Variants in TRMT10B observed in about 807,000 individuals in gnomAD.
TRMT10B encodes the protein tRNA methyltransferase 10B, also known as tRNA methyltransferase 10 homolog B.
A neutral mutation model predicts 43.8 loss-of-function variants in TRMT10B; 33 were observed. That is an observed-to-expected ratio of 0.75 (90% CI 0.57 to 1.01). TRMT10B has a LOEUF of 1.01. Ranked by LOEUF, TRMT10B falls within the 50% of genes least tolerant of loss-of-function variation. The pLI is 0.00. For synonymous variants in TRMT10B, 137 were observed against 130.6 expected (o/e 1.05, Z -0.34); for missense variants, 362 against 369.8 (o/e 0.98, Z 0.17).
intron 2 of TRMT10B, 45 bp from the exon 3 acceptor site, chr9:37,762,532 T>G: frequency 6.5e-7 from 1 of 1,532,044 alleles, no homozygotes; most frequent in Non-Finnish European, 8.8e-7. Flanking sequence ...CCTTTTTTGG[T>G]GCTTATGAAG....
intron 7 of TRMT10B, among the ~76,000 whole-genome samples, chr9:37,773,985 AATAATTAAAAGTTT>A (rs1317467946): frequency 6.6e-6 from 1 of 151,300 alleles, no homozygotes; most frequent in Non-Finnish European, 1.5e-5. Context: ...CAACAATAAT[AATAATTAAAAGTTT>A]ATTAGTCTTA....
At chr9:37,755,289 T>TTTTTTA (rs1554674553) in intron 1 of TRMT10B, among the ~76,000 whole-genome samples, 3 of 149,134 alleles carry the variant, frequency 2.0e-5, no homozygotes, top group East Asian at 1.9e-4. Flanking sequence ...TTTTTTTTTT[T>TTTTTTA]AAAGTTAGTT....
intron 1 of TRMT10B, among the ~76,000 whole-genome samples, chr9:37,759,509 A>T (rs1244389742): frequency 6.6e-6 from 1 of 152,172 alleles, no homozygotes; most frequent in Non-Finnish European, 1.5e-5. Flanking sequence ...GAAAGTGGAG[A>T]AGAAAGTTAA....
At chr9:37,754,019 C>T (rs560141607) in intron 1 of TRMT10B, among the ~76,000 whole-genome samples, 167 bp downstream of exon 1, 45 of 152,234 alleles carry the variant, frequency 3.0e-4, no homozygotes, top group Non-Finnish European at 6.2e-4. Context: ...TCCACTCGCA[C>T]GCTCAGCCTG....
intron 1 of TRMT10B, among the ~76,000 whole-genome samples, chr9:37,759,359 A>G (rs1826069216): frequency 6.6e-6 from 1 of 152,238 alleles, no homozygotes; most frequent in Non-Finnish European, 1.5e-5. Context: ...TGAGGGGAAA[A>G]AAGTCAAGTG....
chr9:37,753,069 C>T (rs184408099), upstream of TRMT10B, among the ~76,000 whole-genome samples: 25 of 152,218 alleles, frequency 1.6e-4, no homozygotes, highest in East Asian at 1.9e-4. Flanking sequence ...ACGAACCCAC[C>T]GAGAGCGAAG....
At position 37,762,020 on chromosome 9, in the gene TRMT10B, A is replaced by G; in HGVS notation, c.89A>G (p.Asp30Gly). 1.2e-6 allele frequency: 2 copies of G among 1,614,124 alleles called. No homozygotes were observed. Among genetic ancestry groups the G allele is most frequent in the African/African-American group, 1.3e-5 (1 of 75,036 alleles). ...QEGILEETGE[D>G]GLPEGFQLLQ... Reference sequence around the variant, plus strand: ...GGCATCCTAGAGGAGACAGGTGAAGATGGACTTCCTGAAGGCTTCCAGCTT... The same window carrying G: ...GGCATCCTAGAGGAGACAGGTGAAGGTGGACTTCCTGAAGGCTTCCAGCTT... Residue 30 changes from aspartate to glycine, a missense_variant, in exon 2 of 9, where the codon GAT (aspartate) becomes GGT (glycine). By Grantham distance (94) the Asp-to-Gly change is moderately conservative. Coordinates refer to ENST00000297994, the MANE Select transcript of TRMT10B (RefSeq NM_144964.4).
intron 2 of TRMT10B, 83 bp from the exon 3 acceptor site, chr9:37,762,494 A>G (rs1279110754): frequency 6.7e-7 from 1 of 1,497,956 alleles, no homozygotes. Flanking sequence ...TAAATAAGAA[A>G]AAAGCAAATG....
At position 37,762,792 on chromosome 9, in the gene TRMT10B, T is replaced by C; in HGVS notation, c.295+107T>C. 8.2e-6 allele frequency: 11 copies of C among 1,333,378 alleles called. No homozygotes were observed. The South Asian group carries it at 1.7e-4, about 21-fold the overall frequency. 82.6% of individuals were successfully genotyped at this position (1,333,378 alleles called of 1,614,324 possible). ...TTGTATAAGTAAAAAGCATCTGGGATGTGGGACCCACTGCCCTATTTTCTT... is the reference window on the plus strand; with the variant it reads ...TTGTATAAGTAAAAAGCATCTGGGACGTGGGACCCACTGCCCTATTTTCTT... On this transcript the variant is annotated intron_variant, in intron 3 of 8. Coordinates refer to ENST00000297994, the MANE Select transcript of TRMT10B (RefSeq NM_144964.4).
intron 7 of TRMT10B, 164 bp downstream of exon 7, chr9:37,770,903 TCTC>T (rs1280188412): frequency 4.9e-6 from 3 of 611,834 alleles, no homozygotes; most frequent in South Asian, 5.2e-5. Context: ...AAGTTCCCTC[TCTC>T]CTCATGAGCA....
chr9:37,773,898 C>G (rs960030341), intron 7 of TRMT10B, among the ~76,000 whole-genome samples: 3 of 147,898 alleles, frequency 2.0e-5, no homozygotes, highest in Non-Finnish European at 4.4e-5. Context: ...CTGCAGAGAA[C>G]TGTGGTCACA....
At chr9:37,773,268 C>A (rs1454216846) in intron 7 of TRMT10B, among the ~76,000 whole-genome samples, 1 of 141,058 alleles carries the variant, frequency 7.1e-6, no homozygotes, top group Admixed American at 7.2e-5. Context: ...CTACCATGGC[C>A]AGCTAATTTT....
Position 37,777,822 on chromosome 9 carries a change from A to G in TRMT10B, c.*115A>G. 1 of 755,184 alleles carries G rather than the reference A, an allele frequency of 1.3e-6. No homozygotes were observed. Among genetic ancestry groups the G allele is most frequent in the South Asian group, 1.6e-5 (1 of 62,510 alleles). The allele number at this position is 755,184 out of a possible 1,614,324, so 46.8% of individuals were successfully genotyped here. On this transcript the variant is annotated 3_prime_UTR_variant, in exon 9 of 9. Transcript: ENST00000297994. ...GGAGTTCACGACCAGCCTGGCCAAC[A>G]TGGTGAAACCCTTCTCTACTGAAAA...
chr9:37,775,367 G>A (rs1828027254), intron 7 of TRMT10B, among the ~76,000 whole-genome samples: 1 of 152,116 alleles, frequency 6.6e-6, no homozygotes, highest in African/African-American at 2.4e-5. Flanking sequence ...TCTTTCCTGT[G>A]CTTCTTACAA....
Position 37,777,636 on chromosome 9 carries a change from A to T in TRMT10B, c.880A>T (p.Asn294Tyr). The change falls in exon 9 of 9, where the codon AAC becomes TAC. Residue 294 changes from asparagine (N) to tyrosine (Y), a missense_variant. By Grantham distance (143) the Asn-to-Tyr change is moderately radical. Coordinates refer to ENST00000297994, the MANE Select transcript of TRMT10B (RefSeq NM_144964.4). ...CCTGTCCACTTACTTAGAGACTCACAACTGGCCTGAAGCATTGAAGAAAGG... is the reference window on the plus strand; with the variant it reads ...CCTGTCCACTTACTTAGAGACTCACTACTGGCCTGAAGCATTGAAGAAAGG... ...DILSTYLETH[N>Y]WPEALKKGVS... 3.1e-6 allele frequency: 5 copies of T among 1,614,020 alleles called. No homozygotes were observed. The highest frequency in any genetic ancestry group is 3.4e-6 in the Non-Finnish European group (4 of 1,179,970).
chr9:37,761,799 C>T (rs1480544518), intron 1 of TRMT10B, 104 bp from the exon 2 acceptor site: 4 of 783,224 alleles, frequency 5.1e-6, no homozygotes, highest in East Asian at 5.4e-5. Context: ...CAGTATTTTA[C>T]ACACTTCTTT....
intron 4 of TRMT10B, among the ~76,000 whole-genome samples, chr9:37,765,363 C>A (rs1313754606): frequency 1.3e-5 from 2 of 152,020 alleles, no homozygotes; most frequent in African/African-American, 4.8e-5. Flanking sequence ...GTTTTTTGTC[C>A]TTGTGATAGT....
chr9:37,762,476 T>C (rs555852507), intron 2 of TRMT10B, 101 bp from the exon 3 acceptor site: 4 of 1,453,772 alleles, frequency 2.8e-6, no homozygotes, highest in Admixed American at 5.4e-5. Context: ...CTCTCCAAAC[T>C]ATATATATAA....
At chr9:37,753,388 T>G (rs1825171152), upstream of TRMT10B, among the ~76,000 whole-genome samples, 1 of 152,214 alleles carries the variant, frequency 6.6e-6, no homozygotes, top group Admixed American at 6.5e-5. Context: ...TATCAGTGCA[T>G]GTCCAACCGC....
Sources: gnomAD v4.1 joint callset for allele counts (sites outside exome capture counted in the v4.1 genomes callset) on GRCh38, gnomAD v4.1.1 for gene constraint, MANE v1.5 for transcripts, NCBI Gene and HGNC (gene_info 2026-07-23, HGNC 2026-07-21) for gene names.